Variants in ZCWPW2 observed in about 807,000 individuals in gnomAD.
ZCWPW2 encodes the protein zinc finger CW-type and PWWP domain containing 2, also known as zinc finger CW-type PWWP domain protein 2.
Under a neutral mutation model 46.6 loss-of-function variants are expected in ZCWPW2, and 45 were observed. That is an observed-to-expected ratio of 0.96 (90% CI 0.76 to 1.24). The LOEUF (loss-of-function observed/expected upper bound fraction) is 1.24, where lower values mean the gene tolerates loss of function less well. Ranked by LOEUF, ZCWPW2 falls within the 50% of genes most tolerant of loss-of-function variation. ZCWPW2 has a pLI of 0.00. For missense variants in ZCWPW2, 429 were observed against 403.9 expected, an observed-to-expected ratio of 1.06 and a Z score of -0.53; for synonymous variants, 152 against 137.1, an observed-to-expected ratio of 1.11 and a Z score of -0.76.
intron 2 of ZCWPW2, among the ~76,000 whole-genome samples, chr3:28,399,358 C>T (rs564959884): frequency 6.6e-5 from 10 of 152,212 alleles, no homozygotes; most frequent in South Asian, 2.1e-4. Flanking sequence ...ACCCTGGTAA[C>T]GGAAGACAAA....
At chr3:28,371,322 G>T (rs1190275834) in intron 1 of ZCWPW2, among the ~76,000 whole-genome samples, 1 of 152,148 alleles carries the variant, frequency 6.6e-6, no homozygotes, top group Admixed American at 6.5e-5. Flanking sequence ...ATAGGTGAGA[G>T]AAATCAGAAT....
At chr3:28,460,505 C>T (rs370871172) in intron 4 of ZCWPW2, among the ~76,000 whole-genome samples, 224 of 152,130 alleles carry the variant, frequency 1.5e-3, no homozygotes, top group African/African-American at 5.2e-3. Context: ...TTGTATGAAC[C>T]TATGTTAAAG....
intron 2 of ZCWPW2, among the ~76,000 whole-genome samples, chr3:28,405,761 A>T (rs769693969): frequency 6.6e-6 from 1 of 152,150 alleles, no homozygotes; most frequent in South Asian, 2.1e-4. Flanking sequence ...GACATGAGTC[A>T]CCCCACCCGG....
Position 28,349,028 on chromosome 3 carries a change from G to C in ZCWPW2, c.-309G>C. ...CGCGGGCTCGGCGCCAGGGACGCGC[G>C]AGGAAACCGGAAGTCAGGCCCGAGG... is the stretch of plus-strand genomic sequence containing the variant. On this transcript the variant is annotated 5_prime_UTR_variant, in exon 1 of 10. Transcript: ENST00000383768. 4.1e-6 allele frequency: 4 copies of C among 986,054 alleles called. No individual in the cohort carries two copies. The highest frequency in any genetic ancestry group is 4.8e-6 in the Non-Finnish European group (4 of 830,464). The allele number at this position is 986,054 out of a possible 1,614,324, so 61.1% of individuals were successfully genotyped here.
At chr3:28,512,288 G>A (rs1040136211) in intron 6 of ZCWPW2, among the ~76,000 whole-genome samples, 1 of 151,466 alleles carries the variant, frequency 6.6e-6, no homozygotes, top group African/African-American at 2.4e-5. Context: ...AGTGATTCTT[G>A]TGCCTCAGCC....
chr3:28,499,221 A>G (rs1179481967), intron 6 of ZCWPW2, among the ~76,000 whole-genome samples: 2 of 152,162 alleles, frequency 1.3e-5, no homozygotes, highest in African/African-American at 4.8e-5. Flanking sequence ...CGGAATCACC[A>G]CACTGTCTTC....
chr3:28,407,630 C>G (rs185024511), intron 2 of ZCWPW2, among the ~76,000 whole-genome samples: 41 of 152,192 alleles, frequency 2.7e-4, no homozygotes, highest in Non-Finnish European at 5.1e-4. Flanking sequence ...GTGTCCATAA[C>G]CATTCATATA....
chr3:28,373,908 A>T (rs985544095), intron 1 of ZCWPW2, among the ~76,000 whole-genome samples: 1 of 152,194 alleles, frequency 6.6e-6, no homozygotes, highest in Non-Finnish European at 1.5e-5. Flanking sequence ...ATCCCATCTC[A>T]GATGGATAGT....
chr3:28,487,028 CTTCT>C (rs1699622981), intron 5 of ZCWPW2, among the ~76,000 whole-genome samples: 1 of 151,748 alleles, frequency 6.6e-6, no homozygotes, highest in African/African-American at 2.4e-5. Context: ...TTTTCTCTGA[CTTCT>C]TTCAAGATTT....
chr3:28,508,534 T>C (rs1470707736), intron 6 of ZCWPW2, among the ~76,000 whole-genome samples: 1 of 152,166 alleles, frequency 6.6e-6, no homozygotes, highest in Non-Finnish European at 1.5e-5. Context: ...TTTTGTTTTT[T>C]TGAGACAGAG....
At chr3:28,386,607 C>T (rs1695282381) in intron 1 of ZCWPW2, among the ~76,000 whole-genome samples, 1 of 151,984 alleles carries the variant, frequency 6.6e-6, no homozygotes, top group Admixed American at 6.6e-5. Context: ...GATAGCCTAT[C>T]CATTTAAACA....
At chr3:28,437,635 GT>G (rs1697554819) in intron 4 of ZCWPW2, among the ~76,000 whole-genome samples, 1 of 152,052 alleles carries the variant, frequency 6.6e-6, no homozygotes, top group East Asian at 1.9e-4. Flanking sequence ...AGATGATAGT[GT>G]TTTCCCCTAA....
intron 6 of ZCWPW2, among the ~76,000 whole-genome samples, chr3:28,513,092 C>T (rs775501082): frequency 3.9e-5 from 6 of 152,176 alleles, no homozygotes; most frequent in Non-Finnish European, 7.4e-5. Context: ...TAACTGCTAT[C>T]CTGACTTGTA....
intron 2 of ZCWPW2, among the ~76,000 whole-genome samples, chr3:28,396,564 A>G (rs1193809370): frequency 6.6e-6 from 1 of 152,224 alleles, no homozygotes; most frequent in Admixed American, 6.5e-5. Flanking sequence ...TAAAATTATA[A>G]TATCAAAATT....
At chr3:28,481,813 C>A (rs944874473) in intron 5 of ZCWPW2, among the ~76,000 whole-genome samples, 2 of 151,898 alleles carry the variant, frequency 1.3e-5, no homozygotes, top group East Asian at 1.9e-4. Flanking sequence ...GGATTTAAAG[C>A]AAATAAGTAG....
chr3:28,432,265 G>GA (rs1186834955), intron 3 of ZCWPW2, among the ~76,000 whole-genome samples: 4 of 152,150 alleles, frequency 2.6e-5, no homozygotes, highest in Admixed American at 2.6e-4. Context: ...GGAAATGTTG[G>GA]AAAAATCTAA....
chr3:28,510,973 T>C lies in ZCWPW2; in HGVS notation c.658-3091T>C, dbSNP rs141528739. 2,354 of 441,642 alleles carry C rather than the reference T, an allele frequency of 5.3e-3. 15 individuals are homozygous for C. The highest frequency in any genetic ancestry group is 7.2e-3 in the South Asian group (445 of 61,942). 27.4% of individuals were successfully genotyped at this position (441,642 alleles called of 1,614,324 possible). ...CACTAAGGGAACCAGATTGAGTCTCTACCACCTGGTAGCTACATTCTGGAA... is the reference window on the plus strand; with the variant it reads ...CACTAAGGGAACCAGATTGAGTCTCCACCACCTGGTAGCTACATTCTGGAA... On this transcript the variant is annotated intron_variant, in intron 6 of 9. Coordinates refer to ENST00000383768, the MANE Select transcript of ZCWPW2 (RefSeq NM_001040432.4).
intron 1 of ZCWPW2, among the ~76,000 whole-genome samples, chr3:28,384,610 C>CTTTTTT (rs201820223): frequency 4.2e-5 from 6 of 143,556 alleles, no homozygotes; most frequent in Non-Finnish European, 4.6e-5. Flanking sequence ...ACCAATCTTT[C>CTTTTTT]TTTCTTTTTT....
At chr3:28,416,975 CT>C (rs1696600381) in intron 3 of ZCWPW2, among the ~76,000 whole-genome samples, 1 of 147,976 alleles carries the variant, frequency 6.8e-6, no homozygotes, top group Admixed American at 6.8e-5. Context: ...GTCTAAAATT[CT>C]CTTTTTTTGT....
Sources: allele counts gnomAD v4.1 joint callset (sites outside exome capture counted in the v4.1 genomes callset), GRCh38; gene constraint gnomAD v4.1.1; transcripts MANE v1.5; gene names NCBI Gene and HGNC (gene_info 2026-07-23, HGNC 2026-07-21).